Variants in CACUL1 observed in about 807,000 individuals in gnomAD.
The protein encoded by CACUL1 is CDK2-associated and cullin domain-containing protein 1.
In CACUL1, 13 loss-of-function variants were observed where a neutral mutation model predicts 45.2. That is an observed-to-expected ratio of 0.29 (90% CI 0.19 to 0.46). CACUL1 has a LOEUF of 0.46. Among genes scored for constraint, CACUL1 ranks in the 20% least tolerant of loss-of-function variants. The probability of loss-of-function intolerance (pLI) is 1.00; values close to 1 mark genes in which losing one functional copy is unlikely to be tolerated. For synonymous variants in CACUL1, 197 were observed against 174.2 expected, an observed-to-expected ratio of 1.13 and a Z score of -1.03; for missense variants, 421 against 471.4, an observed-to-expected ratio of 0.89 and a Z score of 0.99.
At chr10:118,692,288 A>C (rs1046099546) in intron 6 of CACUL1, 1 of 152,166 alleles carries the variant, frequency 6.6e-6, no homozygotes, top group Non-Finnish European at 1.5e-5. Context: ...AGTGGTTATC[A>C]AATCATTTTT....
chr10:118,689,983 C>T (rs867521228), intron 7 of CACUL1, among the ~76,000 whole-genome samples: 2 of 152,250 alleles, frequency 1.3e-5, no homozygotes, highest in Middle Eastern at 6.8e-3. Context: ...AAACCTATAA[C>T]ATCATACTCA....
chr10:118,701,457 T>C (rs760544404), intron 4 of CACUL1, 49 bp from the exon 5 acceptor site: 1 of 1,061,202 alleles, frequency 9.4e-7, no homozygotes, highest in Non-Finnish European at 1.4e-6. Context: ...GGGGAAATGA[T>C]TAGTCTAATG....
At chr10:118,686,499 A>G (rs953547595) in intron 8 of CACUL1, 99 bp downstream of exon 8, 2 of 953,936 alleles carry the variant, frequency 2.1e-6, no homozygotes, top group Non-Finnish European at 3.4e-6. Flanking sequence ...TGAGAACAAC[A>G]TGGGTATCAT....
At chr10:118,719,787 G>A (rs1845583432) in intron 3 of CACUL1, among the ~76,000 whole-genome samples, 1 of 151,710 alleles carries the variant, frequency 6.6e-6, no homozygotes, top group African/African-American at 2.4e-5. Flanking sequence ...CTCCAGCCTG[G>A]GCAACAAGAG....
chr10:118,734,170 T>A (rs1387944683), intron 1 of CACUL1, among the ~76,000 whole-genome samples: 2 of 152,228 alleles, frequency 1.3e-5, no homozygotes, highest in Non-Finnish European at 2.9e-5. Context: ...CTTTTCAACT[T>A]TTTATTTCTT....
chr10:118,719,534 G>A (rs371993736), intron 3 of CACUL1, among the ~76,000 whole-genome samples: 29 of 152,172 alleles, frequency 1.9e-4, no homozygotes, highest in African/African-American at 2.4e-4. Flanking sequence ...TTTCTTGGCC[G>A]GATGCGGTGG....
chr10:118,723,120 CATA>C lies in CACUL1; in HGVS notation c.597+6172_597+6174del, dbSNP rs568100565. ...GTAGTGCTTAGTCTTTAACATTTCACATAATAATAGACATGCTGAAGTTATCCT... is the reference window on the plus strand; with the variant it reads ...GTAGTGCTTAGTCTTTAACATTTCACATAATAGACATGCTGAAGTTATCCT... On this transcript the variant is annotated intron_variant, in intron 3 of 8. Coordinates refer to ENST00000369151, the MANE Select transcript of CACUL1 (RefSeq NM_153810.5). 1.4e-3 allele frequency among the ~76,000 whole-genome samples: 219 copies of C among 152,288 alleles called. 1 individual carries two copies. The highest frequency in any genetic ancestry group is 2.4e-3 in the Non-Finnish European group (165 of 68,022).
chr10:118,728,489 C>CTAAAATTG (rs1674878310), intron 3 of CACUL1, among the ~76,000 whole-genome samples: 1 of 151,946 alleles, frequency 6.6e-6, no homozygotes, highest in Admixed American at 6.6e-5. Context: ...CGGGGTTTCA[C>CTAAAATTG]CATGTTGGCC....
In CACUL1 at chr10:118,678,340, A is replaced by T. The variant is rs1356451057; in HGVS notation, c.*7788T>A. On this transcript the variant is annotated 3_prime_UTR_variant, in exon 9 of 9. Transcript: ENST00000369151. ...ATAGTCTGCATTTTCTATCTTGTTG[A>T]TGAAATTCTTCCCTACTCCAAAGTC... 2 of 152,206 alleles carry T rather than the reference A, an allele frequency of 1.3e-5. No individual in the cohort carries two copies. The highest frequency in any genetic ancestry group is 4.8e-5 in the African/African-American group (2 of 41,450). The allele number at this position is 152,206 out of a possible 1,614,324, so 9.4% of individuals were successfully genotyped here.
chr10:118,718,374 C>T (rs1430996654), intron 3 of CACUL1, among the ~76,000 whole-genome samples: 1 of 152,050 alleles, frequency 6.6e-6, no homozygotes, highest in Non-Finnish European at 1.5e-5. Context: ...CACCTGCACA[C>T]CAAACCAGAG....
At chr10:118,748,276 G>A (rs1251649176) in intron 1 of CACUL1, among the ~76,000 whole-genome samples, 1 of 152,130 alleles carries the variant, frequency 6.6e-6, no homozygotes, top group Non-Finnish European at 1.5e-5. Context: ...TGGTAACCTT[G>A]AAAGACGAGA....
chr10:118,703,789 T>A (rs534450589), intron 4 of CACUL1, among the ~76,000 whole-genome samples: 2 of 152,308 alleles, frequency 1.3e-5, no homozygotes, highest in African/African-American at 4.8e-5. Context: ...AGTTATTTTA[T>A]TTCTTAAATT....
chr10:118,704,074 TCC>T (rs1266547468), intron 4 of CACUL1, among the ~76,000 whole-genome samples: 1 of 151,526 alleles, frequency 6.6e-6, no homozygotes, highest in African/African-American at 2.4e-5. Flanking sequence ...AGAGCGAGAC[TCC>T]GTCTTAAAAA....
intron 4 of CACUL1, among the ~76,000 whole-genome samples, chr10:118,703,780 GT>G (rs1845407557): frequency 2.0e-5 from 3 of 152,166 alleles, no homozygotes; most frequent in African/African-American, 7.2e-5. Context: ...CGGAAAAAAA[GT>G]TATTTTATTT....
intron 1 of CACUL1, among the ~76,000 whole-genome samples, chr10:118,753,432 A>G (rs1449150796): frequency 6.6e-6 from 1 of 152,230 alleles, no homozygotes; most frequent in East Asian, 1.9e-4. Context: ...GCTTTACCAG[A>G]TGCCACTCAA....
intron 3 of CACUL1, among the ~76,000 whole-genome samples, chr10:118,727,908 GA>G (rs759745127): frequency 9.2e-5 from 14 of 152,162 alleles, no homozygotes; most frequent in Non-Finnish European, 1.6e-4. Flanking sequence ...TGAAGAATTA[GA>G]AAGCAAATCA....
intron 3 of CACUL1, among the ~76,000 whole-genome samples, chr10:118,717,951 T>C (rs567277719): frequency 4.7e-5 from 7 of 148,344 alleles, no homozygotes; most frequent in South Asian, 2.1e-4. Context: ...GGGTCCTCCA[T>C]GACAAAAAAA....
At chr10:118,725,637 C>T (rs1845645077) in intron 3 of CACUL1, among the ~76,000 whole-genome samples, 2 of 152,136 alleles carry the variant, frequency 1.3e-5, no homozygotes, top group East Asian at 1.9e-4. Context: ...GGGGACTTAG[C>T]TATTTGTTTT....
Position 118,741,513 on chromosome 10 carries a change from C to T in CACUL1, c.368-11103G>A, listed in dbSNP as rs149345299. On this transcript the variant is annotated intron_variant, in intron 1 of 8. Coordinates refer to ENST00000369151, the MANE Select transcript of CACUL1 (RefSeq NM_153810.5). ...TCACTTCACACCTTTATACCTTCCACGTCTGGGTCAAAGGCACTGACAGCT... is the reference window on the plus strand; with the variant it reads ...TCACTTCACACCTTTATACCTTCCATGTCTGGGTCAAAGGCACTGACAGCT... Among the ~76,000 whole-genome samples the T allele has an allele frequency of 3.4e-4, 51 of 152,202 alleles. No individual in the cohort carries two copies. In the Middle Eastern group the frequency reaches 0.01, roughly 30 times the overall value.
Sources: allele counts gnomAD v4.1 joint callset (sites outside exome capture counted in the v4.1 genomes callset), GRCh38; gene constraint gnomAD v4.1.1; transcripts MANE v1.5; gene names NCBI Gene and HGNC (gene_info 2026-07-23, HGNC 2026-07-21).